Variants in PCNX1 observed in about 807,000 individuals in gnomAD.
The protein encoded by PCNX1 is pecanex-like protein 1.
Under a neutral mutation model 242.2 loss-of-function variants are expected in PCNX1, and 78 were observed. The ratio of observed to expected loss-of-function variants is 0.32; its 90% CI spans 0.27 to 0.39. The LOEUF (loss-of-function observed/expected upper bound fraction) is 0.39, where lower values mean the gene tolerates loss of function less well. Among genes scored for constraint, PCNX1 ranks in the 10% least tolerant of loss-of-function variants. The pLI is 1.00. For synonymous variants in PCNX1, 1,024 were observed against 1,032.9 expected (o/e 0.99, Z 0.17); for missense variants, 2,581 against 2,856.5 (o/e 0.90, Z 2.20).
chr14:70,980,276 G>A (rs2058800555), intron 6 of PCNX1, among the ~76,000 whole-genome samples: 2 of 151,842 alleles, frequency 1.3e-5, no homozygotes, highest in Admixed American at 6.6e-5. Flanking sequence ...TTACCTGAAA[G>A]GTGTTATTTG....
intron 19 of PCNX1, 121 bp downstream of exon 19, chr14:71,036,278 A>G: frequency 3.0e-6 from 2 of 664,202 alleles, no homozygotes; most frequent in Non-Finnish European, 5.4e-6. Flanking sequence ...CCCTGGGCTC[A>G]AGTGATCCTC....
intron 30 of PCNX1, among the ~76,000 whole-genome samples, chr14:71,091,578 C>T (rs766370915): frequency 6.6e-6 from 1 of 152,092 alleles, no homozygotes; most frequent in African/African-American, 2.4e-5. Context: ...TAAAATAAGA[C>T]AAACTTAGGT....
chr14:71,068,181 A>G (rs575075516), intron 26 of PCNX1, among the ~76,000 whole-genome samples: 1 of 151,916 alleles, frequency 6.6e-6, no homozygotes, highest in South Asian at 2.1e-4. Flanking sequence ...ACAAAAAAAA[A>G]TTAGCCAGGC....
At chr14:70,992,806 A>G (rs4132849) in intron 7 of PCNX1, among the ~76,000 whole-genome samples, 55,576 of 152,044 alleles carry the variant, frequency 0.37, 10,425 homozygotes, top group East Asian at 0.62. Flanking sequence ...TACCATTATT[A>G]GTTTAGGATA....
Position 71,009,660 on chromosome 14 carries a change from A to G in PCNX1, c.2656A>G (p.Thr886Ala). 6.2e-7 allele frequency: 1 copy of G among 1,604,164 alleles called. No individual in the cohort carries two copies. The highest frequency in any genetic ancestry group is 8.5e-7 in the Non-Finnish European group (1 of 1,172,650). Residue 886 changes from threonine to alanine, a missense_variant, in exon 9 of 36, where the codon ACT (threonine) becomes GCT (alanine). Thr to Ala is a moderately conservative substitution (Grantham distance 58, BLOSUM62 0). Coordinates refer to ENST00000304743, the MANE Select transcript of PCNX1 (RefSeq NM_014982.3). ...TAAGTTCTCTTCTACGCTGTATGAGACTGGTGGCTGTGATATGTCACTTGT... is the reference window on the plus strand; with the variant it reads ...TAAGTTCTCTTCTACGCTGTATGAGGCTGGTGGCTGTGATATGTCACTTGT... ...LGKFSSTLYE[T>A]GGCDMSLVNF...
In PCNX1 at chr14:71,057,736, A is replaced by G. The variant is rs2061219964; in HGVS notation, c.4852+12A>G. On this transcript the variant is annotated intron_variant, in intron 26 of 35. Coordinates refer to ENST00000304743, the MANE Select transcript of PCNX1 (RefSeq NM_014982.3). ...ACTTGAATTCAGAGGTAAGACATTC[A>G]TTCACCTTTTATTTCTGTAGCATAC... 1.9e-6 allele frequency: 3 copies of G among 1,577,204 alleles called. 1 individual carries two copies. The African/African-American group carries it at 4.0e-5, about 21-fold the overall frequency.
chr14:71,021,732 A>G (rs948766927), intron 12 of PCNX1, among the ~76,000 whole-genome samples: 1 of 145,242 alleles, frequency 6.9e-6, no homozygotes, highest in African/African-American at 2.5e-5. Flanking sequence ...ATACCTATGT[A>G]TACTCTTCCA....
chr14:71,054,054 G>T (rs1374064708), intron 24 of PCNX1, among the ~76,000 whole-genome samples: 1 of 152,216 alleles, frequency 6.6e-6, no homozygotes. Context: ...AAAGTGCTGG[G>T]ATTACAGGCA....
At chr14:70,982,498 T>TATTAAAGTATAATGTATATATAAA (rs1491257512) in intron 6 of PCNX1, among the ~76,000 whole-genome samples, 3 of 152,198 alleles carry the variant, frequency 2.0e-5, no homozygotes, top group Non-Finnish European at 2.9e-5. Flanking sequence ...AACTTAATAC[T>TATTAAAGTATAATGTATATATAAA]GTATTAAAGT....
intron 6 of PCNX1, among the ~76,000 whole-genome samples, chr14:70,985,449 G>C (rs1011815329): frequency 6.6e-6 from 1 of 151,934 alleles, no homozygotes; most frequent in Non-Finnish European, 1.5e-5. Flanking sequence ...CCTGACTTCA[G>C]GTGATCCACC....
intron 16 of PCNX1, among the ~76,000 whole-genome samples, chr14:71,029,748 G>A (rs1170749520): frequency 6.6e-6 from 1 of 152,234 alleles, no homozygotes; most frequent in Admixed American, 6.5e-5. Flanking sequence ...AATGTGTTGT[G>A]TAGAGGAAAT....
chr14:71,001,269 T>C (rs962407557), intron 8 of PCNX1, among the ~76,000 whole-genome samples: 3 of 152,226 alleles, frequency 2.0e-5, no homozygotes, highest in Non-Finnish European at 2.9e-5. Flanking sequence ...GTGATTTTTT[T>C]CTTAGGGTAA....
At chr14:70,960,359 T>C (rs925923908) in intron 2 of PCNX1, among the ~76,000 whole-genome samples, 8 of 151,840 alleles carry the variant, frequency 5.3e-5, no homozygotes, top group Non-Finnish European at 1.2e-4. Flanking sequence ...TTTTTATGGT[T>C]TTAGGTCTAA....
At chr14:71,105,772 A>G (rs919510311) in intron 33 of PCNX1, among the ~76,000 whole-genome samples, 37 of 151,758 alleles carry the variant, frequency 2.4e-4, no homozygotes, top group African/African-American at 8.7e-4. Flanking sequence ...CCATCTCCTG[A>G]CCTCATGATC....
rs540487988 is a variant in PCNX1, at chr14:71,074,776, C to G, written c.5106+978C>G. 7.2e-5 allele frequency among the ~76,000 whole-genome samples: 11 copies of G among 152,224 alleles called. No homozygotes were observed. The South Asian group carries it at 1.2e-3, about 17-fold the overall frequency. ...GCATCCCAAGGCTTAGCGGTTACCC[C>G]CTAGAACCCAAGGGTAAAGGCCAAA... On this transcript the variant is annotated intron_variant, in intron 27 of 35. Coordinates refer to ENST00000304743, the MANE Select transcript of PCNX1 (RefSeq NM_014982.3).
intron 28 of PCNX1, among the ~76,000 whole-genome samples, chr14:71,087,314 A>G (rs2062019145): frequency 6.6e-6 from 1 of 152,300 alleles, no homozygotes; most frequent in South Asian, 2.1e-4. Flanking sequence ...GAAACAATCT[A>G]ATTGGCAAGC....
intron 7 of PCNX1, among the ~76,000 whole-genome samples, chr14:70,995,375 T>A (rs1031968720): frequency 6.6e-6 from 1 of 152,228 alleles, no homozygotes; most frequent in Non-Finnish European, 1.5e-5. Flanking sequence ...AACTGAAACA[T>A]AGGGCTTATC....
chr14:70,931,941 T>A (rs894061581), intron 1 of PCNX1, among the ~76,000 whole-genome samples: 1 of 152,162 alleles, frequency 6.6e-6, no homozygotes, highest in Non-Finnish European at 1.5e-5. Context: ...CTGACCAACG[T>A]GGATAAACCC....
At chr14:70,954,744 CTTGT>C (rs142643387) in intron 2 of PCNX1, among the ~76,000 whole-genome samples, 1,572 of 152,144 alleles carry the variant, frequency 0.01, 26 homozygotes, top group African/African-American at 0.03. Flanking sequence ...CCTTATACTT[CTTGT>C]TTAATTTTTT....
Sources: gnomAD v4.1 joint callset for allele counts (sites outside exome capture counted in the v4.1 genomes callset) on GRCh38, gnomAD v4.1.1 for gene constraint, MANE v1.5 for transcripts, NCBI Gene and HGNC (gene_info 2026-07-23, HGNC 2026-07-21) for gene names.